Variants in FSCN2 observed in about 807,000 individuals in gnomAD.
FSCN2 encodes fascin-2.
Under a neutral mutation model 37.8 loss-of-function variants are expected in FSCN2, and 46 were observed. The ratio of observed to expected loss-of-function variants is 1.22; its 90% CI spans 0.96 to 1.56. FSCN2 has a LOEUF of 1.56. Among genes scored for constraint, FSCN2 ranks in the 40% most tolerant of loss-of-function variants. The pLI is 0.00. For synonymous variants in FSCN2, 351 were observed against 309.4 expected (o/e 1.13, Z -1.41); for missense variants, 844 against 730.4 (o/e 1.16, Z -1.79).
chr17:81,519,431 G>T, the FSCN2 span, among the ~76,000 whole-genome samples: 1 of 152,182 alleles, frequency 6.6e-6, no homozygotes, highest in Non-Finnish European at 1.5e-5. Context: ...CCACGAGCTC[G>T]GAGGCCTGGG....
At chr17:81,522,434 G>A in the FSCN2 span, among the ~76,000 whole-genome samples, 3 of 152,260 alleles carry the variant, frequency 2.0e-5, no homozygotes, top group Non-Finnish European at 4.4e-5. Flanking sequence ...GGAGCTGGGT[G>A]ACACCACGAT....
At chr17:81,532,500 G>GTGA (rs372703362) in intron 1 of FSCN2, among the ~76,000 whole-genome samples, 129,023 of 131,950 alleles carry the variant, frequency 0.98, 63,083 homozygotes, top group Non-Finnish European at 0.98. Flanking sequence ...GGTGATGATG[G>GTGA]TGATGATAAT....
intron 1 of FSCN2, among the ~76,000 whole-genome samples, chr17:81,531,183 ATGGTGG>A (rs1170464990): frequency 1.7e-5 from 2 of 116,924 alleles, no homozygotes; most frequent in Non-Finnish European, 3.3e-5. Context: ...GATGGTGATG[ATGGTGG>A]TGATGGTGGT....
At chr17:81,532,036 TGATGATG>T (rs1209353459) in intron 1 of FSCN2, among the ~76,000 whole-genome samples, 2 of 26,690 alleles carry the variant, frequency 7.5e-5, no homozygotes, top group Non-Finnish European at 1.9e-4. Flanking sequence ...GTGATGGTGA[TGATGATG>T]GTGATGATGG....
At chr17:81,521,665 C>T in the FSCN2 span, among the ~76,000 whole-genome samples, 1 of 152,218 alleles carries the variant, frequency 6.6e-6, no homozygotes, top group Non-Finnish European at 1.5e-5. Flanking sequence ...AGCCACCACA[C>T]CCAGCCTTTG....
chr17:81,534,351 C>T (rs1447023873), intron 1 of FSCN2, among the ~76,000 whole-genome samples: 4 of 152,254 alleles, frequency 2.6e-5, no homozygotes, highest in South Asian at 2.1e-4. Context: ...TGGGAAGCTC[C>T]GCAATCTGAC....
intron 1 of FSCN2, among the ~76,000 whole-genome samples, chr17:81,531,474 GTGGTGATGGTGATGA>G (rs1434936929): frequency 9.3e-4 from 98 of 105,868 alleles, no homozygotes; most frequent in African/African-American, 2.5e-3. Flanking sequence ...GATGGTGGTG[GTGGTGATGGTGATGA>G]TGGTGATGGT....
intron 2 of FSCN2, among the ~76,000 whole-genome samples, 183 bp from the exon 3 acceptor site, chr17:81,535,963 T>C (rs1413568847): frequency 1.3e-5 from 2 of 151,346 alleles, no homozygotes; most frequent in Non-Finnish European, 2.9e-5. Flanking sequence ...GCCATGAGGA[T>C]TGCCGTAGCA....
In FSCN2 at chr17:81,537,006, C is replaced by G. The variant is rs748924470; in HGVS notation, c.1405C>G (p.Leu469Val). ...CATCCGCGCCCGGAGCGGCAAGTAC[C>G]TGCGCGGCGGCGCCTCGGGCCTGCT... The part of the protein sequence containing the change: ...LAIRARSGKY[L>V]RGGASGLLRA... The change falls in exon 5 of 5, where the codon CTG becomes GTG. Residue 469 changes from leucine (L) to valine (V), a missense_variant. Leu to Val is a conservative substitution (Grantham distance 32, BLOSUM62 1). Coordinates refer to ENST00000417245, the MANE Select transcript of FSCN2 (RefSeq NM_012418.4). The G allele has an allele frequency of 2.6e-6, 4 of 1,511,186 alleles. No individual in the cohort carries two copies. The highest frequency in any genetic ancestry group is 3.5e-6 in the Non-Finnish European group (4 of 1,136,672). 93.6% of individuals were successfully genotyped at this position (1,511,186 alleles called of 1,614,324 possible). A position where few individuals can be genotyped will look rare whatever the true frequency, so the allele number is the denominator to read the frequency against.
intron 3 of FSCN2, 113 bp downstream of exon 3, chr17:81,536,380 G>C (rs973481508): frequency 6.8e-7 from 1 of 1,462,116 alleles, no homozygotes; most frequent in Admixed American, 2.0e-5. Flanking sequence ...CCCACGGAAC[G>C]GGTGCTGTCA....
chr17:81,532,305 GTGATGGCGA>G (rs1375234722), intron 1 of FSCN2, among the ~76,000 whole-genome samples: 1 of 132,636 alleles, frequency 7.5e-6, no homozygotes, highest in Non-Finnish European at 1.6e-5. Context: ...GATGATGATA[GTGATGGCGA>G]TGATGGTGAT....
chr17:81,533,542 C>T (rs1470987944), intron 1 of FSCN2, among the ~76,000 whole-genome samples: 1 of 152,254 alleles, frequency 6.6e-6, no homozygotes, highest in East Asian at 1.9e-4. Flanking sequence ...GCCTCACATC[C>T]AGGCAGGACA....
In FSCN2 at chr17:81,536,871, C is replaced by T. The variant is rs756349308; in HGVS notation, c.1274-4C>T. ...ACCCCCGCCGACGCCGTCCCGTCCC[C>T]CAGGCCGCGACGGAGGGTTCTGGTA... On this transcript the variant is annotated splice_polypyrimidine_tract_variant and splice_region_variant and intron_variant, in intron 4 of 4. Transcript: ENST00000417245. 2 of 1,567,370 alleles carry T rather than the reference C, an allele frequency of 1.3e-6. No individual in the cohort carries two copies. Among genetic ancestry groups the T allele is most frequent in the South Asian group, 1.2e-5 (1 of 86,550 alleles).
Position 81,531,678 on chromosome 17 carries a change from A to ATGG in FSCN2, c.826+2323_826+2324insGTG, listed in dbSNP as rs1323496251. ...AGTGATGGTGATGATGATGGTGATGATGATGGTGATGATGGTGATGGTGAT... is the reference window on the plus strand; with the variant it reads ...AGTGATGGTGATGATGATGGTGATGATGGTGATGGTGATGATGGTGATGGTGAT... On this transcript the variant is annotated intron_variant, in intron 1 of 4. Coordinates refer to ENST00000417245, the MANE Select transcript of FSCN2 (RefSeq NM_012418.4). Among the ~76,000 whole-genome samples the ATGG allele has an allele frequency of 5.6e-3, 337 of 60,334 alleles. 9 individuals are homozygous for ATGG. The highest frequency in any genetic ancestry group is 0.024 in the African/African-American group (307 of 12,704). 39.6% of individuals were successfully genotyped at this position (60,334 alleles called of 152,430 possible). A position where few individuals can be genotyped will look rare whatever the true frequency, so the allele number is the denominator to read the frequency against.
At chr17:81,519,488 A>C in the FSCN2 span, among the ~76,000 whole-genome samples, 1 of 152,068 alleles carries the variant, frequency 6.6e-6, no homozygotes, top group Non-Finnish European at 1.5e-5. Context: ...AAGGCCGGGA[A>C]TGGCGGGCCG....
chr17:81,523,100 C>A, the FSCN2 span, among the ~76,000 whole-genome samples: 1 of 152,234 alleles, frequency 6.6e-6, no homozygotes, highest in Admixed American at 6.5e-5. Context: ...CTTATGATTT[C>A]ACAGAAGACA....
chr17:81,536,439 G>A (rs2032879656), intron 3 of FSCN2, 172 bp downstream of exon 3: 2 of 1,469,820 alleles, frequency 1.4e-6, no homozygotes, highest in Non-Finnish European at 9.1e-7. Flanking sequence ...AAGGGAAACA[G>A]GTCTGAATGT....
rs558650094 is a variant in FSCN2, at chr17:81,536,419, T to G, written c.1105+152T>G. The G allele has an allele frequency of 1.2e-5, 17 of 1,449,760 alleles. No homozygotes were observed. In the African/African-American group the frequency reaches 2.4e-4, roughly 20 times the overall value. The allele number at this position is 1,449,760 out of a possible 1,614,324, so 89.8% of individuals were successfully genotyped here. Reference sequence around the variant, plus strand: ...AGTCATACTTGCTAGTCAAGATAACTCGTCTTGGCAAGGGAAACAGGTCTG... The same window carrying G: ...AGTCATACTTGCTAGTCAAGATAACGCGTCTTGGCAAGGGAAACAGGTCTG... On this transcript the variant is annotated intron_variant, in intron 3 of 4. Transcript: ENST00000417245.
upstream of FSCN2, chr17:81,527,017 T>C (rs1244241721): frequency 6.6e-6 from 1 of 152,022 alleles, no homozygotes; most frequent in Non-Finnish European, 1.5e-5. Context: ...GTGGGGACAG[T>C]GGGGACAGGT....
Sources: gnomAD v4.1 joint callset for allele counts (sites outside exome capture counted in the v4.1 genomes callset) on GRCh38, gnomAD v4.1.1 for gene constraint, MANE v1.5 for transcripts, NCBI Gene and HGNC (gene_info 2026-07-23, HGNC 2026-07-21) for gene names.